The following UBE3A variants were observed in gnomAD, a reference collection of about 807,000 sequenced individuals.
UBE3A encodes ubiquitin protein ligase E3A.
Under a neutral mutation model 83.4 loss-of-function variants are expected in UBE3A, and 6 were observed. That is an observed-to-expected ratio of 0.07 (90% confidence interval 0.04 to 0.14). The LOEUF (loss-of-function observed/expected upper bound fraction) is 0.14, where lower values mean the gene tolerates loss of function less well. UBE3A is among the 10% of genes least tolerant of loss of function. The probability of loss-of-function intolerance (pLI) is 1.00; values close to 1 mark genes in which losing one functional copy is unlikely to be tolerated. For missense variants in UBE3A, 456 were observed against 1,036.1 expected, an observed-to-expected ratio of 0.44 and a Z score of 7.69; for synonymous variants, 337 against 355.4, an observed-to-expected ratio of 0.95 and a Z score of 0.58.
At chr15:25,341,352 T>C (rs984087382) in intron 11 of UBE3A, among the ~76,000 whole-genome samples, 1 of 151,700 alleles carries the variant, frequency 6.6e-6, no homozygotes, top group Non-Finnish European at 1.5e-5. Context: ...ATTGCAGGCA[T>C]GAGCCACCGC....
intron 1 of UBE3A, among the ~76,000 whole-genome samples, chr15:25,429,865 C>T (rs1442249998): frequency 2.0e-5 from 3 of 149,148 alleles, no homozygotes; most frequent in Admixed American, 1.4e-4. Context: ...ATTAGCCGGG[C>T]GTGGTAGTGC....
At chr15:25,390,632 A>G (rs2084123033) in intron 4 of UBE3A, among the ~76,000 whole-genome samples, 1 of 152,194 alleles carries the variant, frequency 6.6e-6, no homozygotes, top group African/African-American at 2.4e-5. Flanking sequence ...GTGGGAGGGA[A>G]GGAAAGATAA....
intron 7 of UBE3A, among the ~76,000 whole-genome samples, chr15:25,359,978 A>G (rs908551810): frequency 6.6e-6 from 1 of 152,186 alleles, no homozygotes; most frequent in Non-Finnish European, 1.5e-5. Flanking sequence ...TTTGAGCATG[A>G]CATACTTGTG....
intron 1 of UBE3A, among the ~76,000 whole-genome samples, chr15:25,430,405 C>T (rs1417687614): frequency 6.8e-6 from 1 of 146,000 alleles, no homozygotes; most frequent in African/African-American, 2.6e-5. Context: ...TCTGAAACAG[C>T]ACTTTGGGGA....
intron 6 of UBE3A, among the ~76,000 whole-genome samples, chr15:25,367,296 T>C (rs2079461895): frequency 6.8e-6 from 1 of 148,130 alleles, no homozygotes; most frequent in Admixed American, 6.7e-5. Flanking sequence ...TTAAATTAAT[T>C]TACATATTAA....
At chr15:25,398,804 T>A (rs919745026) in intron 4 of UBE3A, among the ~76,000 whole-genome samples, 5 of 77,170 alleles carry the variant, frequency 6.5e-5, no homozygotes, top group East Asian at 1.5e-3. Context: ...TATATATATA[T>A]ATATATATAT....
chr15:25,363,101 A>T (rs192663280), intron 6 of UBE3A, among the ~76,000 whole-genome samples: 1 of 152,306 alleles, frequency 6.6e-6, no homozygotes, highest in Non-Finnish European at 1.5e-5. Context: ...AAGCAAATTT[A>T]TCTTTATTCT....
intron 2 of UBE3A, among the ~76,000 whole-genome samples, chr15:25,411,527 T>G (rs1039463165): frequency 2.0e-5 from 3 of 152,170 alleles, no homozygotes; most frequent in Non-Finnish European, 4.4e-5. Context: ...GAGATGGACG[T>G]TGCAGTGAGT....
At chr15:25,434,681 A>G (rs1036949956) in intron 1 of UBE3A, among the ~76,000 whole-genome samples, 2 of 152,218 alleles carry the variant, frequency 1.3e-5, no homozygotes, top group Admixed American at 6.5e-5. Flanking sequence ...ATAACTATTC[A>G]TCCCAAAAGG....
intron 5 of UBE3A, chr15:25,373,882 A>G: frequency 6.6e-6 from 1 of 152,218 alleles, no homozygotes; most frequent in East Asian, 1.9e-4. Context: ...GTTTATTGAT[A>G]CAGGTGTTCT....
chr15:25,405,428 T>C, intron 4 of UBE3A, 33 bp downstream of exon 4: 1 of 1,612,768 alleles, frequency 6.2e-7, no homozygotes, highest in Non-Finnish European at 8.5e-7. Context: ...CAACTCAAAA[T>C]AAGAACCACA....
At chr15:25,437,438 CT>C (rs1284254711) in intron 1 of UBE3A, among the ~76,000 whole-genome samples, 1 of 152,128 alleles carries the variant, frequency 6.6e-6, no homozygotes. Flanking sequence ...ATTTCTTAAA[CT>C]TTAGGTCGTC....
At chr15:25,419,203 T>A (rs757569776) in intron 1 of UBE3A, 12 of 152,138 alleles carry the variant, frequency 7.9e-5, no homozygotes, top group Non-Finnish European at 1.5e-4. Context: ...TAAATTCTAG[T>A]TAAAAATACT....
At chr15:25,389,205 C>G (rs1019542902) in intron 4 of UBE3A, among the ~76,000 whole-genome samples, 1 of 149,346 alleles carries the variant, frequency 6.7e-6, no homozygotes, top group Non-Finnish European at 1.5e-5. Flanking sequence ...AAAGGCAATA[C>G]AATGAAGAAA....
Position 25,375,650 on chromosome 15 carries a change from C to A in UBE3A, c.176G>T (p.Arg59Leu). The change falls in exon 5 of 13, where the codon CGT becomes CTT. Residue 59 changes from arginine to leucine, a missense_variant. Coordinates refer to ENST00000648336, the MANE Select transcript of UBE3A (RefSeq NM_130839.5). ...AATAGCTGCTGCATTATTATCCATA[C>A]GAAGAAAAGTTGGACAGGAAGCACA... Reference protein sequence around the residue: ...EFCASCPTFLRMDNNAAAIKA... With the variant: ...EFCASCPTFLLMDNNAAAIKA... 6.2e-7 allele frequency: 1 copy of A among 1,614,078 alleles called. No individual in the cohort carries two copies. The highest frequency in any genetic ancestry group is 8.5e-7 in the Non-Finnish European group (1 of 1,180,022).
chr15:25,430,633 A>G (rs1328704508), intron 1 of UBE3A, among the ~76,000 whole-genome samples: 1 of 152,056 alleles, frequency 6.6e-6, no homozygotes, highest in African/African-American at 2.4e-5. Context: ...CCCACAGCAG[A>G]TATCTAAAAG....
chr15:25,399,229 A>G lies in UBE3A; in HGVS notation c.62+6232T>C, dbSNP rs553080377. Among the ~76,000 whole-genome samples, 5 of 151,852 alleles carry G rather than the reference A, an allele frequency of 3.3e-5. No individual in the cohort carries two copies. The East Asian group carries it at 9.7e-4, about 30-fold the overall frequency. Reference sequence around the variant, plus strand: ...GATGTGATCTCATTCATCAATTTTTATTTTTGTTGCCTGTGCTTCGAGGGG... The same window carrying G: ...GATGTGATCTCATTCATCAATTTTTGTTTTTGTTGCCTGTGCTTCGAGGGG... On this transcript the variant is annotated intron_variant, in intron 4 of 12. Transcript: ENST00000648336.
In UBE3A at chr15:25,404,053, G is replaced by A. The variant is rs78277208; in HGVS notation, c.62+1408C>T. Among the ~76,000 whole-genome samples, 1,520 of 152,162 alleles carry A rather than the reference G, an allele frequency of 1.0e-2. 30 individuals carry two copies. The highest frequency in any genetic ancestry group is 0.035 in the African/African-American group (1,458 of 41,510). ...ATATTAATATACTTAATACCATTGA[G>A]CCAAATACTTAAAAATGGTGAAATG... On this transcript the variant is annotated intron_variant, in intron 4 of 12. Coordinates refer to ENST00000648336, the MANE Select transcript of UBE3A (RefSeq NM_130839.5).
At chr15:25,426,028 A>T (rs367910265) in intron 1 of UBE3A, among the ~76,000 whole-genome samples, 1 of 55,710 alleles carries the variant, frequency 1.8e-5, no homozygotes, top group Non-Finnish European at 5.7e-5. Flanking sequence ...GGGTTCTTTG[A>T]AATTTTTTTT....
Sources: gnomAD v4.1 joint callset for allele counts (sites outside exome capture counted in the v4.1 genomes callset) on GRCh38, gnomAD v4.1.1 for gene constraint, MANE v1.5 for transcripts, NCBI Gene and HGNC (gene_info 2026-07-23, HGNC 2026-07-21) for gene names.